SEM1: variants seen among roughly 807,000 people sequenced by gnomAD.
SEM1 encodes the protein 26S proteasome complex subunit SEM1.
In SEM1, 3 loss-of-function variants were observed where a neutral mutation model predicts 12.7. The observed-to-expected ratio is 0.24, with a 90% CI of 0.11 to 0.61. The LOEUF is 0.61. Among genes scored for constraint, SEM1 ranks in the 20% least tolerant of loss-of-function variants. SEM1 has a pLI of 0.88. For synonymous variants in SEM1, 30 were observed against 27.8 expected (o/e 1.08, Z -0.25); for missense variants, 59 against 81.3 (o/e 0.73, Z 1.06).
chr7:96,684,339 T>A (rs977621098), downstream of SEM1, among the ~76,000 whole-genome samples: 3 of 152,080 alleles, frequency 2.0e-5, no homozygotes, highest in Non-Finnish European at 4.4e-5. Context: ...CAATCACTTG[T>A]ACGGGGCACG....
chr7:96,586,479 T>G, intron 2 of SEM1, among the ~76,000 whole-genome samples: 1 of 152,206 alleles, frequency 6.6e-6, no homozygotes. Context: ...GACTACAAAG[T>G]TCTTTACACA....
At chr7:96,644,043 G>A (rs973325773) in intron 2 of SEM1, among the ~76,000 whole-genome samples, 2 of 151,916 alleles carry the variant, frequency 1.3e-5, no homozygotes, top group African/African-American at 2.4e-5. Flanking sequence ...TACCTCCAAG[G>A]ATGTAACTTG....
intron 2 of SEM1, among the ~76,000 whole-genome samples, chr7:96,631,630 G>A (rs1808265575): frequency 6.6e-6 from 1 of 152,128 alleles, no homozygotes; most frequent in Non-Finnish European, 1.5e-5. Context: ...ATACCTTTCA[G>A]GACATAGGCA....
intron 2 of SEM1, among the ~76,000 whole-genome samples, chr7:96,559,948 G>T (rs1286493745): frequency 6.6e-6 from 1 of 152,208 alleles, no homozygotes; most frequent in Non-Finnish European, 1.5e-5. Flanking sequence ...TGAAGAAGGT[G>T]CTGCCTTGAG....
rs1421596853 is a variant in SEM1 at position 96,615,239 on chromosome 7, A to ATTTTTTTTTTTTTTTTTTTT, written c.170+79558_170+79559insAAAAAAAAAAAAAAAAAAAA. Among the ~76,000 whole-genome samples the ATTTTTTTTTTTTTTTTTTTT allele has an allele frequency of 8.2e-5, 8 of 98,132 alleles. 1 individual carries two copies. The highest frequency in any genetic ancestry group is 2.5e-4 in the African/African-American group (6 of 23,758). 64.4% of individuals were successfully genotyped at this position (98,132 alleles called of 152,430 possible). ...GGACTGTTGGGTTATTTTTTGAGTCATCTTTTTTTTTTTTTTTTTTTTTTT... is the reference window on the plus strand; with the variant it reads ...GGACTGTTGGGTTATTTTTTGAGTCATTTTTTTTTTTTTTTTTTTTTCTTTTTTTTTTTTTTTTTTTTTTT... On this transcript the variant is annotated intron_variant and NMD_transcript_variant, in intron 2 of 3. Coordinates refer to the SEM1 transcript ENST00000466986.
rs534549795 is a variant in SEM1, at chr7:96,531,587, G to A, written c.171-24889C>T. Among the ~76,000 whole-genome samples the A allele has an allele frequency of 3.1e-4, 44 of 142,528 alleles. 1 individual carries two copies. Among genetic ancestry groups the A allele is most frequent in the Middle Eastern group, 3.5e-3 (1 of 288 alleles). 93.5% of individuals were successfully genotyped at this position (142,528 alleles called of 152,430 possible). ...CATGTCACTGCACTGCAGCCTGGGC[G>A]ACAGTGAGACTCTGTGTGGAAAAAA... On this transcript the variant is annotated intron_variant and NMD_transcript_variant, in intron 2 of 3. Coordinates refer to the SEM1 transcript ENST00000466986.
At chr7:96,686,011 C>T (rs897010313), downstream of SEM1, among the ~76,000 whole-genome samples, 14 of 151,932 alleles carry the variant, frequency 9.2e-5, no homozygotes, top group South Asian at 4.1e-4. Flanking sequence ...CCCAAGAGTC[C>T]GGAAACCTAG....
chr7:96,566,747 T>C (rs1805854131), intron 2 of SEM1, among the ~76,000 whole-genome samples: 1 of 151,716 alleles, frequency 6.6e-6, no homozygotes, highest in African/African-American at 2.4e-5. Context: ...TCACATAATT[T>C]CTTTCAGTAC....
chr7:96,565,551 T>C (rs1172337840), intron 2 of SEM1, among the ~76,000 whole-genome samples: 1 of 151,948 alleles, frequency 6.6e-6, no homozygotes, highest in Non-Finnish European at 1.5e-5. Context: ...ATAAATTCCT[T>C]GAGTCCCTTA....
At chr7:96,662,755 T>C (rs547247325) in intron 2 of SEM1, among the ~76,000 whole-genome samples, 10 of 152,296 alleles carry the variant, frequency 6.6e-5, no homozygotes, top group African/African-American at 2.2e-4. Context: ...ATTGGGCATA[T>C]GGAGAAAGAC....
At chr7:96,707,292 T>C (rs947660509) in intron 1 of SEM1, among the ~76,000 whole-genome samples, 2 of 152,246 alleles carry the variant, frequency 1.3e-5, no homozygotes, top group Admixed American at 6.5e-5. Flanking sequence ...AATAATTCTT[T>C]GGTGATATTT....
At chr7:96,606,585 GA>G (rs1029514419) in intron 2 of SEM1, among the ~76,000 whole-genome samples, 5 of 151,812 alleles carry the variant, frequency 3.3e-5, no homozygotes, top group Admixed American at 6.5e-5. Flanking sequence ...ACAACTATTA[GA>G]AAAAAAAGTA....
At chr7:96,689,423 T>TA (rs773580054) in intron 2 of SEM1, among the ~76,000 whole-genome samples, 1 of 152,186 alleles carries the variant, frequency 6.6e-6, no homozygotes, top group African/African-American at 2.4e-5. Flanking sequence ...GCAGAAAGAA[T>TA]AAACAGATTG....
intron 2 of SEM1, chr7:96,645,737 A>C: frequency 2.5e-6 from 1 of 398,238 alleles, no homozygotes; most frequent in Non-Finnish European, 4.4e-6. Context: ...CTCAGCTGTA[A>C]CTTTACATGA....
intron 1 of SEM1, among the ~76,000 whole-genome samples, chr7:96,699,252 T>C (rs1790197647): frequency 6.6e-6 from 1 of 152,190 alleles, no homozygotes; most frequent in Non-Finnish European, 1.5e-5. Flanking sequence ...TGTTGTGGCA[T>C]CATTCTCTTC....
At chr7:96,580,334 G>A (rs1313529149) in intron 2 of SEM1, among the ~76,000 whole-genome samples, 2 of 148,018 alleles carry the variant, frequency 1.4e-5, no homozygotes, top group African/African-American at 5.0e-5. Context: ...ATTCCATGGT[G>A]TATATGTGCC....
At chr7:96,520,430 A>AT (rs1563043449) in intron 2 of SEM1, among the ~76,000 whole-genome samples, 1 of 152,196 alleles carries the variant, frequency 6.6e-6, no homozygotes, top group Non-Finnish European at 1.5e-5. Context: ...ATTAAATGCT[A>AT]TACAAACAGG....
chr7:96,485,524 C>A (rs1270646726), intron 2 of SEM1, among the ~76,000 whole-genome samples: 1 of 147,160 alleles, frequency 6.8e-6, no homozygotes, highest in African/African-American at 2.5e-5. Flanking sequence ...CTAATCTTCC[C>A]ATCTCTACAT....
intron 2 of SEM1, among the ~76,000 whole-genome samples, chr7:96,583,948 T>C (rs924367090): frequency 6.6e-6 from 1 of 151,924 alleles, no homozygotes; most frequent in African/African-American, 2.4e-5. Flanking sequence ...TGTCTTTTAA[T>C]TGGAGCATTT....
Sources: gnomAD v4.1 joint callset for allele counts (sites outside exome capture counted in the v4.1 genomes callset) on GRCh38, gnomAD v4.1.1 for gene constraint, MANE v1.5 for transcripts, NCBI Gene and HGNC (gene_info 2026-07-23, HGNC 2026-07-21) for gene names.